Variants in UBE3D observed in about 807,000 individuals in gnomAD.
UBE3D encodes E3 ubiquitin-protein ligase E3D.
In UBE3D, 48 loss-of-function variants were observed where a neutral mutation model predicts 49.6. That is an observed-to-expected ratio of 0.97 (90% CI 0.77 to 1.23). The LOEUF is 1.23. Ranked by LOEUF, UBE3D falls within the 50% of genes most tolerant of loss-of-function variation. The pLI is 0.00. For synonymous variants in UBE3D, 189 were observed against 174.2 expected (o/e 1.08, Z -0.67); for missense variants, 452 against 468.4 (o/e 0.96, Z 0.32).
chr6:83,036,723 CT>C (rs552440078), intron 5 of UBE3D: 792 of 139,544 alleles, frequency 5.7e-3, no homozygotes, highest in Middle Eastern at 0.011. Flanking sequence ...TAAGCTCTCT[CT>C]TTTTTTTTTT....
intron 8 of UBE3D, among the ~76,000 whole-genome samples, chr6:83,001,663 C>T (rs1779645685): frequency 6.6e-6 from 1 of 150,672 alleles, no homozygotes; most frequent in African/African-American, 2.5e-5. Context: ...AAGCTTGAAG[C>T]CACTCCATCT....
At chr6:83,045,146 G>T (rs1373192452) in intron 3 of UBE3D, among the ~76,000 whole-genome samples, 1 of 152,110 alleles carries the variant, frequency 6.6e-6, no homozygotes, top group Non-Finnish European at 1.5e-5. Flanking sequence ...GAATATTTAT[G>T]AACATATCTA....
At chr6:83,065,510 G>T in intron 1 of UBE3D, 132 bp downstream of exon 1, 1 of 795,550 alleles carries the variant, frequency 1.3e-6, no homozygotes, top group Non-Finnish European at 2.0e-6. Flanking sequence ...TTCACTTTGA[G>T]TGATCGAGAG....
intron 8 of UBE3D, among the ~76,000 whole-genome samples, chr6:82,979,971 C>T (rs1300395868): frequency 6.6e-6 from 1 of 152,144 alleles, no homozygotes; most frequent in Non-Finnish European, 1.5e-5. Context: ...ATATATACCA[C>T]ATTTTCTTTA....
intron 8 of UBE3D, among the ~76,000 whole-genome samples, chr6:82,966,057 C>T (rs1177513251): frequency 2.6e-5 from 4 of 152,230 alleles, no homozygotes; most frequent in East Asian, 3.9e-4. Flanking sequence ...CTCAAATATC[C>T]TCAACCGCCT....
chr6:83,023,998 T>C lies in UBE3D; in HGVS notation c.708A>G (p.Ser236=). 1 of 1,537,994 alleles carries C rather than the reference T, an allele frequency of 6.5e-7. No individual in the cohort carries two copies. Among genetic ancestry groups the C allele is most frequent in the Non-Finnish European group, 8.7e-7 (1 of 1,150,274 alleles). The change falls in exon 6 of 10, where the codon TCA becomes TCG. Residue 236 remains serine (S), a synonymous_variant. Transcript: ENST00000369747. ...KFYMTEIIIQ[S]SERSFPIIPR... ...GTATGATAGGAAAACTCCTCTCAGATGACTGAATAATTATCTCTGTCATAT... is the reference window on the plus strand; with the variant it reads ...GTATGATAGGAAAACTCCTCTCAGACGACTGAATAATTATCTCTGTCATAT...
chr6:82,931,143 GC>G (rs1183938328), intron 9 of UBE3D, among the ~76,000 whole-genome samples: 4 of 152,228 alleles, frequency 2.6e-5, no homozygotes, highest in Admixed American at 2.6e-4. Context: ...AGCCTTGGTG[GC>G]TTACACATGG....
At chr6:82,994,318 T>C (rs1222425667) in intron 8 of UBE3D, among the ~76,000 whole-genome samples, 2 of 152,124 alleles carry the variant, frequency 1.3e-5, no homozygotes, top group African/African-American at 4.8e-5. Context: ...TAGAGTCCCA[T>C]GGGTAATTAT....
At chr6:83,061,819 A>G (rs9449572) in intron 1 of UBE3D, among the ~76,000 whole-genome samples, 4,741 of 152,256 alleles carry the variant, frequency 0.031, 169 homozygotes, top group East Asian at 0.091. Flanking sequence ...GTAGGTTATT[A>G]AACATGTACC....
rs927708829 is a variant in UBE3D at position 83,030,568 on chromosome 6, T to C, written c.668-6530A>G. 3.9e-5 allele frequency among the ~76,000 whole-genome samples: 6 copies of C among 152,282 alleles called. 1 individual carries two copies. The South Asian group carries it at 1.0e-3, about 26-fold the overall frequency. The stretch of plus-strand genomic sequence containing the variant: ...TTACCCAGTCTCAGGTGTGTCTTTA[T>C]TAGCAGCATGAGAACGGACTAATAC... On this transcript the variant is annotated intron_variant, in intron 5 of 9. Transcript: ENST00000369747.
In UBE3D at chr6:82,975,377, A is replaced by G. The variant is rs548245505; in HGVS notation, c.1011-17927T>C. On this transcript the variant is annotated intron_variant, in intron 8 of 9. Coordinates refer to ENST00000369747, the MANE Select transcript of UBE3D (RefSeq NM_198920.3). ...CGTATAACTTCACTTAGCTTATGCA[A>G]ACTTAAATTTTCTAGCCATATCCTT... 2.6e-5 allele frequency among the ~76,000 whole-genome samples: 4 copies of G among 152,298 alleles called. No individual in the cohort carries two copies. The South Asian group carries it at 8.3e-4, about 32-fold the overall frequency.
At chr6:82,974,535 G>T (rs1479951222) in intron 8 of UBE3D, among the ~76,000 whole-genome samples, 1 of 151,962 alleles carries the variant, frequency 6.6e-6, no homozygotes, top group African/African-American at 2.4e-5. Context: ...TTTTAAATTT[G>T]TATTTTTTTA....
chr6:82,983,121 G>A (rs1024754756), intron 8 of UBE3D, among the ~76,000 whole-genome samples: 1 of 150,774 alleles, frequency 6.6e-6, no homozygotes, highest in African/African-American at 2.4e-5. Context: ...AAAGTGCTGG[G>A]ATTACAGGCA....
At chr6:82,907,855 T>C (rs1366944634) in intron 9 of UBE3D, among the ~76,000 whole-genome samples, 1 of 152,084 alleles carries the variant, frequency 6.6e-6, no homozygotes, top group Non-Finnish European at 1.5e-5. Context: ...CTGAGAGAGA[T>C]GAAAACAGGT....
the UBE3D span, among the ~76,000 whole-genome samples, chr6:82,883,222 G>T: frequency 6.6e-6 from 1 of 152,086 alleles, no homozygotes; most frequent in Non-Finnish European, 1.5e-5. Flanking sequence ...TTTTTAGTCT[G>T]GGAGGAATAA....
At chr6:82,933,850 T>A (rs1258411931) in intron 9 of UBE3D, among the ~76,000 whole-genome samples, 1 of 152,194 alleles carries the variant, frequency 6.6e-6, no homozygotes, top group East Asian at 1.9e-4. Flanking sequence ...AGCACTTCCA[T>A]GGACCAGAAG....
At chr6:82,941,316 A>G (rs1285886602) in intron 9 of UBE3D, among the ~76,000 whole-genome samples, 3 of 151,824 alleles carry the variant, frequency 2.0e-5, no homozygotes, top group East Asian at 1.9e-4. Context: ...AAAAGGTTTT[A>G]TTTTATATAT....
intron 9 of UBE3D, among the ~76,000 whole-genome samples, chr6:82,946,519 C>G (rs111339246): frequency 6.6e-6 from 1 of 152,046 alleles, no homozygotes; most frequent in African/African-American, 2.4e-5. Context: ...GAGAGGACTT[C>G]AATCAGAAAG....
chr6:83,010,748 A>C (rs796133130), intron 8 of UBE3D, among the ~76,000 whole-genome samples: 11 of 152,328 alleles, frequency 7.2e-5, no homozygotes, highest in African/African-American at 2.6e-4. Context: ...AGAAGGATGT[A>C]GGCTGGGAGG....
Sources: allele counts gnomAD v4.1 joint callset (sites outside exome capture counted in the v4.1 genomes callset), GRCh38; gene constraint gnomAD v4.1.1; transcripts MANE v1.5; gene names NCBI Gene and HGNC (gene_info 2026-07-23, HGNC 2026-07-21).